Variants in HPD observed in about 807,000 individuals in gnomAD.
The protein encoded by HPD is 4-hydroxyphenylpyruvic acid oxidase.
In HPD, 35 loss-of-function variants were observed where a neutral mutation model predicts 56.9. The ratio of observed to expected loss-of-function variants is 0.62; its 90% CI spans 0.47 to 0.82. The LOEUF is 0.82. HPD is among the 40% of genes least tolerant of loss of function. The pLI is 0.00. For missense variants in HPD, 442 were observed against 506.8 expected, an observed-to-expected ratio of 0.87 and a Z score of 1.23; for synonymous variants, 186 against 200.2, an observed-to-expected ratio of 0.93 and a Z score of 0.60.
At chr12:121,845,154 C>G (rs1877537142) in intron 11 of HPD, among the ~76,000 whole-genome samples, 1 of 149,458 alleles carries the variant, frequency 6.7e-6, no homozygotes, top group South Asian at 2.1e-4. Flanking sequence ...TGTTCTGTCA[C>G]CCAGGCTGCA....
the HPD span, among the ~76,000 whole-genome samples, chr12:121,870,244 C>T: frequency 1.3e-5 from 2 of 152,052 alleles, no homozygotes; most frequent in African/African-American, 4.8e-5. Flanking sequence ...TTTTATGTGC[C>T]AGGCACTGTA....
chr12:121,880,397 T>C, the HPD span, among the ~76,000 whole-genome samples: 1 of 152,046 alleles, frequency 6.6e-6, no homozygotes, highest in Non-Finnish European at 1.5e-5. Context: ...GGTTTCACCA[T>C]CTTGGCCACG....
intron 4 of HPD, chr12:121,856,990 G>A (rs372729945): frequency 1.7e-4 from 84 of 494,776 alleles, no homozygotes; most frequent in African/African-American, 1.5e-3. Flanking sequence ...AGGAAGGGCC[G>A]TGTTGCATGG....
chr12:121,847,952 C>T (rs557972820), intron 9 of HPD, among the ~76,000 whole-genome samples: 1 of 152,294 alleles, frequency 6.6e-6, no homozygotes, highest in East Asian at 1.9e-4. Context: ...TATGGGCCAC[C>T]ACGCCCAGCC....
upstream of HPD, among the ~76,000 whole-genome samples, chr12:121,868,514 TTTTTTC>T (rs1237713133): frequency 2.0e-3 from 10 of 4,908 alleles, 2 homozygotes; most frequent in African/African-American, 6.6e-3. Flanking sequence ...TATTTCTTTC[TTTTTTC>T]TTTTTTTTTT....
the HPD span, among the ~76,000 whole-genome samples, chr12:121,877,155 T>G: frequency 1.3e-5 from 2 of 150,100 alleles, no homozygotes; most frequent in African/African-American, 4.9e-5. Flanking sequence ...TAGAAGTGAG[T>G]GACTACATGT....
the HPD span, among the ~76,000 whole-genome samples, chr12:121,887,218 A>ATT: frequency 0.31 from 44,497 of 142,850 alleles, 8,738 homozygotes; most frequent in Non-Finnish European, 0.46. Context: ...ATTAATTATT[A>ATT]TTTTTTTTTT....
At chr12:121,841,562 C>A (rs1877408297) in intron 12 of HPD, among the ~76,000 whole-genome samples, 1 of 152,180 alleles carries the variant, frequency 6.6e-6, no homozygotes, top group Admixed American at 6.5e-5. Context: ...GTGTGTCTAT[C>A]TATACAATGG....
At chr12:121,872,281 G>T in the HPD span, among the ~76,000 whole-genome samples, 2 of 148,682 alleles carry the variant, frequency 1.3e-5, no homozygotes, top group African/African-American at 4.9e-5. Flanking sequence ...GCCCAGGCTG[G>T]AGTGCAATGG....
Position 121,849,089 on chromosome 12 carries a change from GA to G in HPD, c.519-14del. On this transcript the variant is annotated splice_polypyrimidine_tract_variant and intron_variant, in intron 8 of 13. Transcript: ENST00000289004. Reference sequence around the variant, plus strand: ...ACTGCATTTGGGCCTGGGAAGGGAAGAAGATGGGGGTGAGAAGGTGGCTACC... The same window carrying G: ...ACTGCATTTGGGCCTGGGAAGGGAAGAGATGGGGGTGAGAAGGTGGCTACC... 6.3e-7 allele frequency: 1 copy of G among 1,598,720 alleles called. No individual in the cohort carries two copies. Among genetic ancestry groups the G allele is most frequent in the Non-Finnish European group, 8.6e-7 (1 of 1,166,072 alleles).
chr12:121,846,981 C>T lies in HPD; in HGVS notation c.760-48G>A, dbSNP rs749966474. The stretch of plus-strand genomic sequence containing the variant: ...CCACTGTCATTTGCCCCATCACCCA[C>T]ATCCCTGACCCTACAAGAGCCCCCA... On this transcript the variant is annotated intron_variant, in intron 10 of 13. Coordinates refer to ENST00000289004, the MANE Select transcript of HPD (RefSeq NM_002150.3). 5 of 1,613,048 alleles carry T rather than the reference C, an allele frequency of 3.1e-6. No individual in the cohort carries two copies. The Admixed American group carries it at 8.3e-5, about 27-fold the overall frequency.
chr12:121,856,974 G>A (rs1437531187), intron 4 of HPD: 5 of 502,734 alleles, frequency 9.9e-6, no homozygotes, highest in East Asian at 7.5e-5. Context: ...AGGAGGAAAC[G>A]AAACTAGGAA....
chr12:121,875,474 G>T, the HPD span, among the ~76,000 whole-genome samples: 1 of 139,742 alleles, frequency 7.2e-6, no homozygotes, highest in Admixed American at 7.6e-5. Flanking sequence ...CACCTAGACC[G>T]AAGTGCAGTG....
chr12:121,856,826 T>C (rs1878019503), intron 4 of HPD: 1 of 628,400 alleles, frequency 1.6e-6, no homozygotes, highest in Non-Finnish European at 2.9e-6. Context: ...CTCTGGATCC[T>C]CAGAGGAACT....
chr12:121,846,726 G>T (rs1877595714), intron 11 of HPD, 136 bp downstream of exon 11: 1 of 791,094 alleles, frequency 1.3e-6, no homozygotes, highest in Non-Finnish European at 2.2e-6. Flanking sequence ...GTTGCAAGAA[G>T]CAGTGAGGGA....
rs1878014510 is a variant in HPD at position 121,856,692 on chromosome 12, C to A, written c.199-67G>T. The stretch of plus-strand genomic sequence containing the variant: ...GGGCATGGGGAGGTGCACCCATCGG[C>A]CCCTCCCTGCCGACCCGAAACACCC... On this transcript the variant is annotated intron_variant, in intron 4 of 13. Coordinates refer to ENST00000289004, the MANE Select transcript of HPD (RefSeq NM_002150.3). 4.0e-6 allele frequency: 6 copies of A among 1,481,496 alleles called. No homozygotes were observed. The East Asian group carries it at 1.4e-4, about 34-fold the overall frequency. 91.8% of individuals were successfully genotyped at this position (1,481,496 alleles called of 1,614,324 possible).
At chr12:121,857,043 A>G (rs1878027073) in intron 4 of HPD, 1 of 509,790 alleles carries the variant, frequency 2.0e-6, no homozygotes, top group Admixed American at 3.2e-5. Flanking sequence ...GAGCTGAATT[A>G]TATGTTTTTG....
the HPD span, among the ~76,000 whole-genome samples, chr12:121,879,455 C>G: frequency 1.4e-3 from 195 of 143,602 alleles, 5 homozygotes; most frequent in East Asian, 0.038. Context: ...CCAGACTACT[C>G]TTTTCTTTTC....
At chr12:121,855,919 G>C (rs1356632902) in intron 6 of HPD, among the ~76,000 whole-genome samples, 1 of 135,744 alleles carries the variant, frequency 7.4e-6, no homozygotes, top group Non-Finnish European at 1.5e-5. Context: ...GCGGTGAGCC[G>C]AGATCGTGCC....
Sources: gnomAD v4.1 joint callset for allele counts (sites outside exome capture counted in the v4.1 genomes callset) on GRCh38, gnomAD v4.1.1 for gene constraint, MANE v1.5 for transcripts, NCBI Gene and HGNC (gene_info 2026-07-23, HGNC 2026-07-21) for gene names.